Variants in NSUN7 observed in about 807,000 individuals in gnomAD.
NSUN7 encodes the protein protein NSUN7.
NSUN7 carries 39 observed loss-of-function variants against 58.5 expected under a neutral mutation model. That is an observed-to-expected ratio of 0.67 (90% CI 0.52 to 0.87). The LOEUF (loss-of-function observed/expected upper bound fraction) is 0.87, where lower values mean the gene tolerates loss of function less well. NSUN7 is among the 40% of genes least tolerant of loss of function. The pLI, the probability that NSUN7 is intolerant of heterozygous loss-of-function variation, is 0.00. For missense variants in NSUN7, 765 were observed against 844.1 expected (o/e 0.91, Z 1.16); for synonymous variants, 278 against 303.7 (o/e 0.92, Z 0.88).
Position 40,808,718 on chromosome 4 carries a change from C to T in NSUN7, c.1936C>T (p.Leu646=), listed in dbSNP as rs1313370692. 1.0e-5 allele frequency: 16 copies of T among 1,551,076 alleles called. No homozygotes were observed. The highest frequency in any genetic ancestry group is 1.4e-5 in the Non-Finnish European group (16 of 1,146,904). Residue 646 remains leucine (L), a synonymous_variant, in exon 12 of 12, where the codon CTG becomes TTG. Coordinates refer to ENST00000381782, the MANE Select transcript of NSUN7 (RefSeq NM_024677.6). The part of the protein sequence containing the change: ...RPRPEDRMVA[L]KPIKIVLPPV... ...TCGGCCAGAAGACAGAATGGTTGCT[C>T]TGAAACCCATCAAGATTGTTCTGCC... is the stretch of plus-strand genomic sequence containing the variant.
chr4:40,786,331 T>C, intron 7 of NSUN7: 3 of 1,612,240 alleles, frequency 1.9e-6, no homozygotes, highest in Non-Finnish European at 2.5e-6. Flanking sequence ...TTTTCATTTC[T>C]GGGATGTAGG....
At chr4:40,779,059 G>A (rs1216829682) in intron 7 of NSUN7, among the ~76,000 whole-genome samples, 1 of 152,180 alleles carries the variant, frequency 6.6e-6, no homozygotes, top group Non-Finnish European at 1.5e-5. Context: ...TGGGCACAGT[G>A]GCTCATGCTG....
At chr4:40,805,819 T>C (rs1743788222) in intron 10 of NSUN7, among the ~76,000 whole-genome samples, 1 of 151,984 alleles carries the variant, frequency 6.6e-6, no homozygotes, top group African/African-American at 2.4e-5. Flanking sequence ...TTCTTTGGCT[T>C]GTAGCTGTGT....
At chr4:40,786,019 TAGTC>T (rs751048993) in intron 7 of NSUN7, 16 of 1,460,924 alleles carry the variant, frequency 1.1e-5, no homozygotes, top group South Asian at 4.4e-5. Flanking sequence ...GAAGGACAGT[TAGTC>T]AGTCTTATAG....
At chr4:40,757,704 CATTGTGTGTGTGTGTATATAT>C (rs1741231114) in intron 2 of NSUN7, among the ~76,000 whole-genome samples, 1 of 116,990 alleles carries the variant, frequency 8.5e-6, no homozygotes, top group African/African-American at 3.5e-5. Flanking sequence ...TATATATATA[CATTGTGTGTGTGTGTATATAT>C]ACACACACAC....
chr4:40,750,870 C>A lies in NSUN7; in HGVS notation c.177C>A (p.Ile59=), dbSNP rs141937399. The part of the protein sequence containing the change: ...MAANIFQGIR[I]EKSAQKVLIK... ...CCAACATTTTTCAGGGTATTCGAAT[C>A]GAAAAGTCGGCACAGAAAGTCTTAA... is the stretch of plus-strand genomic sequence containing the variant. The change falls in exon 2 of 12, where the codon ATC becomes ATA. Residue 59 remains isoleucine (I), a synonymous_variant. Transcript: ENST00000381782. The A allele has an allele frequency of 1.2e-5, 19 of 1,614,078 alleles. No homozygotes were observed. The highest frequency in any genetic ancestry group is 2.2e-5 in the East Asian group (1 of 44,892).
intron 7 of NSUN7, among the ~76,000 whole-genome samples, chr4:40,780,605 TC>T (rs1742482198): frequency 7.0e-6 from 1 of 143,574 alleles, no homozygotes; most frequent in Non-Finnish European, 1.5e-5. Context: ...AGACCCTGTC[TC>T]AAAAAAAGAA....
intron 2 of NSUN7, among the ~76,000 whole-genome samples, chr4:40,758,426 C>A (rs560726146): frequency 6.6e-6 from 1 of 152,150 alleles, no homozygotes; most frequent in African/African-American, 2.4e-5. Context: ...AGTACAAGTA[C>A]GTAATTGTGG....
At chr4:40,752,793 G>T (rs1376983817) in intron 2 of NSUN7, among the ~76,000 whole-genome samples, 2 of 152,256 alleles carry the variant, frequency 1.3e-5, no homozygotes, top group Non-Finnish European at 2.9e-5. Context: ...ATTTAGACAG[G>T]AATATATATT....
In NSUN7 at chr4:40,809,524, A is replaced by AGAG. The variant is rs1321353199; in HGVS notation, c.*586_*588dup. The AGAG allele has an allele frequency of 6.6e-6, 1 of 152,220 alleles. No homozygotes were observed. The highest frequency in any genetic ancestry group is 2.4e-5 in the African/African-American group (1 of 41,446). 9.4% of individuals were successfully genotyped at this position (152,220 alleles called of 1,614,324 possible). A position where few individuals can be genotyped will look rare whatever the true frequency, so the allele number is the denominator to read the frequency against. On this transcript the variant is annotated 3_prime_UTR_variant, in exon 12 of 12. Transcript: ENST00000381782. ...CCCAAGTGCCAGGTGTGTGTAGCTC[A>AGAG]GAGTTCCTTTTACAGTGAGGTGTCT...
At chr4:40,758,776 T>C (rs1375264390) in intron 2 of NSUN7, among the ~76,000 whole-genome samples, 1 of 151,672 alleles carries the variant, frequency 6.6e-6, no homozygotes, top group Non-Finnish European at 1.5e-5. Flanking sequence ...TCCCAGCAAC[T>C]TGGGAGACTG....
At chr4:40,770,723 A>G (rs1388101787) in intron 4 of NSUN7, among the ~76,000 whole-genome samples, 1 of 152,238 alleles carries the variant, frequency 6.6e-6, no homozygotes, top group African/African-American at 2.4e-5. Flanking sequence ...GAAGTAGTAA[A>G]AAGCCAAAAA....
intron 2 of NSUN7, among the ~76,000 whole-genome samples, chr4:40,752,507 G>A (rs1010052997): frequency 9.2e-5 from 14 of 152,256 alleles, no homozygotes; most frequent in African/African-American, 2.2e-4. Context: ...TGCAAGCTCC[G>A]CCTCCTGGGT....
intron 7 of NSUN7, chr4:40,786,296 C>T (rs1436431346): frequency 2.5e-6 from 4 of 1,613,028 alleles, no homozygotes; most frequent in Non-Finnish European, 2.5e-6. Flanking sequence ...ATTAAGGTAA[C>T]CTTGGGAAAT....
intron 4 of NSUN7, among the ~76,000 whole-genome samples, chr4:40,765,000 G>T (rs1322900934): frequency 6.7e-6 from 1 of 148,734 alleles, no homozygotes; most frequent in East Asian, 2.0e-4. Flanking sequence ...AGATGAGTAG[G>T]TTGTGAAAAT....
At chr4:40,789,412 T>G (rs188810717) in intron 7 of NSUN7, among the ~76,000 whole-genome samples, 14 of 152,306 alleles carry the variant, frequency 9.2e-5, no homozygotes, top group Admixed American at 9.1e-4. Flanking sequence ...CAAAAAACTT[T>G]TGACACGTGT....
intron 9 of NSUN7, among the ~76,000 whole-genome samples, chr4:40,797,192 C>G (rs1743358005): frequency 6.6e-6 from 1 of 152,030 alleles, no homozygotes; most frequent in Non-Finnish European, 1.5e-5. Context: ...CTCTCTGTCT[C>G]AACACCCTGT....
At position 40,808,611 on chromosome 4, in the gene NSUN7, C is replaced by G. The variant is rs1021273239; in HGVS notation, c.1829C>G (p.Ala610Gly). The change falls in exon 12 of 12, where the codon GCC (alanine) becomes GGC (glycine). Residue 610 changes from alanine (A) to glycine (G), a missense_variant. Ala to Gly is a moderately conservative substitution (Grantham distance 60). Coordinates refer to ENST00000381782, the MANE Select transcript of NSUN7 (RefSeq NM_024677.6). Reference protein sequence around the residue: ...SSQTRKPNKLAPHPAVPAFVK... With the variant: ...SSQTRKPNKLGPHPAVPAFVK... ...CAGACCAGAAAACCCAACAAGCTGGCCCCCCATCCTGCAGTGCCTGCATTT... is the reference window on the plus strand; with the variant it reads ...CAGACCAGAAAACCCAACAAGCTGGGCCCCCATCCTGCAGTGCCTGCATTT... 2 of 1,551,538 alleles carry G rather than the reference C, an allele frequency of 1.3e-6. No homozygotes were observed. The highest frequency in any genetic ancestry group is 1.7e-6 in the Non-Finnish European group (2 of 1,146,994).
Position 40,775,994 on chromosome 4 carries a change from A to C in NSUN7, c.826-55A>C. 9.0e-7 allele frequency: 1 copy of C among 1,112,274 alleles called. No individual in the cohort carries two copies. Among genetic ancestry groups the C allele is most frequent in the East Asian group, 2.4e-5 (1 of 41,666 alleles). 68.9% of individuals were successfully genotyped at this position (1,112,274 alleles called of 1,614,324 possible). On this transcript the variant is annotated intron_variant, in intron 6 of 11. Coordinates refer to ENST00000381782, the MANE Select transcript of NSUN7 (RefSeq NM_024677.6). This position sits in a 1 kb window ranked among gnomAD's most constrained non-coding sequence, Gnocchi z 4.3. ...CTTTTATGTAAAGCAAATAGAAGTCAGCTTATATTTCTAGCCATACCCTTT... is the reference window on the plus strand; with the variant it reads ...CTTTTATGTAAAGCAAATAGAAGTCCGCTTATATTTCTAGCCATACCCTTT...
Sources: gnomAD v4.1 joint callset for allele counts (sites outside exome capture counted in the v4.1 genomes callset) on GRCh38, gnomAD v4.1.1 for gene constraint, Gnocchi (gnomAD v3.1) non-coding constraint, MANE v1.5 for transcripts, NCBI Gene and HGNC (gene_info 2026-07-23, HGNC 2026-07-21) for gene names.